SLC16A10: variants seen among roughly 807,000 people sequenced by gnomAD.
SLC16A10 encodes the protein monocarboxylate transporter 10.
SLC16A10 carries 27 observed loss-of-function variants against 40.0 expected under a neutral mutation model. The observed-to-expected ratio is 0.67, with a 90% CI of 0.50 to 0.93. The LOEUF (loss-of-function observed/expected upper bound fraction) is 0.93, where lower values mean the gene tolerates loss of function less well. SLC16A10 is among the 40% of genes least tolerant of loss of function. The pLI, the probability that SLC16A10 is intolerant of heterozygous loss-of-function variation, is 0.00. For missense variants in SLC16A10, 529 were observed against 658.2 expected (o/e 0.80, Z 2.15); for synonymous variants, 213 against 249.8 (o/e 0.85, Z 1.39).
chr6:111,116,218 A>T (rs532998119), intron 1 of SLC16A10, among the ~76,000 whole-genome samples: 34 of 148,652 alleles, frequency 2.3e-4, no homozygotes, highest in Admixed American at 1.1e-3. Flanking sequence ...TGTTTTTGTT[A>T]TTTTTTTTTT....
At chr6:111,196,892 G>A (rs1015608687) in intron 3 of SLC16A10, among the ~76,000 whole-genome samples, 4 of 152,106 alleles carry the variant, frequency 2.6e-5, no homozygotes, top group Admixed American at 6.5e-5. Flanking sequence ...CCATAGATAC[G>A]GGTATCTGAG....
intron 1 of SLC16A10, among the ~76,000 whole-genome samples, chr6:111,166,611 A>G (rs1002226523): frequency 6.6e-6 from 1 of 152,266 alleles, no homozygotes; most frequent in African/African-American, 2.4e-5. Flanking sequence ...AAAACTATTC[A>G]TCAACCTTTA....
intron 1 of SLC16A10, among the ~76,000 whole-genome samples, chr6:111,151,511 AT>A (rs1772172584): frequency 6.6e-6 from 1 of 152,190 alleles, no homozygotes; most frequent in Non-Finnish European, 1.5e-5. Flanking sequence ...GACAATTGTC[AT>A]TTGTCACTTG....
chr6:111,087,930 G>C lies in SLC16A10; in HGVS notation c.178G>C (p.Glu60Gln), dbSNP rs1473024600. The C allele has an allele frequency of 1.2e-6, 2 of 1,603,454 alleles. No homozygotes were observed. The highest frequency in any genetic ancestry group is 1.3e-5 in the African/African-American group (1 of 74,324). The change falls in exon 1 of 6, where the codon GAG becomes CAG. Residue 60 changes from glutamate to glutamine, a missense_variant. By Grantham distance (29) the Glu-to-Gln change is conservative (BLOSUM62 2). Coordinates refer to ENST00000368851, the MANE Select transcript of SLC16A10 (RefSeq NM_018593.5). ...LAGPATAEPH[E>Q]PPEPPEGGWG... is the part of the protein sequence containing the mutation. ...GGGGCCGGCGACCGCGGAGCCCCAT[G>C]AGCCCCCCGAACCCCCCGAGGGCGG...
At position 111,230,790 on chromosome 6, in the gene SLC16A10, ATTT is replaced by A. The variant is rs774933212; in HGVS notation, c.*8559_*8561del. On this transcript the variant is annotated 3_prime_UTR_variant, in exon 6 of 6. Coordinates refer to ENST00000368851, the MANE Select transcript of SLC16A10 (RefSeq NM_018593.5). Reference sequence around the variant, plus strand: ...TATTTTAATGTTTATTTGAAAATTAATTTTTTAATTATTTTGTATATTTTGAGT... The same window carrying A: ...TATTTTAATGTTTATTTGAAAATTAATTTAATTATTTTGTATATTTTGAGT... The A allele has an allele frequency of 1.3e-5, 2 of 152,144 alleles. No individual in the cohort carries two copies. Among genetic ancestry groups the A allele is most frequent in the East Asian group, 1.9e-4 (1 of 5,196 alleles). 9.4% of individuals were successfully genotyped at this position (152,144 alleles called of 1,614,324 possible).
At chr6:111,152,368 T>C (rs985838221) in intron 1 of SLC16A10, among the ~76,000 whole-genome samples, 6 of 152,244 alleles carry the variant, frequency 3.9e-5, no homozygotes, top group African/African-American at 4.8e-5. Flanking sequence ...TCTAGAATAG[T>C]GCTGGCACAT....
In SLC16A10 at chr6:111,225,249, T is replaced by G. The variant is rs2114599888; in HGVS notation, c.*3014T>G. 6.6e-6 allele frequency: 1 copy of G among 152,312 alleles called. No homozygotes were observed. Among genetic ancestry groups the G allele is most frequent in the African/African-American group, 2.4e-5 (1 of 41,570 alleles). 9.4% of individuals were successfully genotyped at this position (152,312 alleles called of 1,614,324 possible). ...AAAATTTCCACTGAAAATTGCATAG[T>G]TCTTGTATTAAGATTCAAATTCTGG... On this transcript the variant is annotated 3_prime_UTR_variant, in exon 6 of 6. Transcript: ENST00000368851.
chr6:111,090,893 A>G (rs1265468338), intron 1 of SLC16A10, among the ~76,000 whole-genome samples: 1 of 152,202 alleles, frequency 6.6e-6, no homozygotes, highest in Admixed American at 6.5e-5. Flanking sequence ...GTTAGAGTAC[A>G]GCTAGTTCTG....
intron 1 of SLC16A10, among the ~76,000 whole-genome samples, chr6:111,147,706 C>G (rs1168041668): frequency 6.6e-6 from 1 of 152,178 alleles, no homozygotes; most frequent in Non-Finnish European, 1.5e-5. Context: ...CACACTAATG[C>G]AGTGTCAGTC....
chr6:111,194,399 G>A (rs1305591029), intron 3 of SLC16A10, among the ~76,000 whole-genome samples: 1 of 152,162 alleles, frequency 6.6e-6, no homozygotes, highest in African/African-American at 2.4e-5. Context: ...ATTATCTAGA[G>A]TAGTTTCAAT....
intron 3 of SLC16A10, among the ~76,000 whole-genome samples, chr6:111,204,756 C>T (rs1436200727): frequency 6.6e-6 from 1 of 152,146 alleles, no homozygotes; most frequent in South Asian, 2.1e-4. Context: ...AACATTTCCA[C>T]ACAAAATCCG....
At chr6:111,182,826 A>T (rs1190346417) in intron 3 of SLC16A10, among the ~76,000 whole-genome samples, 1 of 152,074 alleles carries the variant, frequency 6.6e-6, no homozygotes, top group Non-Finnish European at 1.5e-5. Context: ...TTTCTTGCAC[A>T]CCATAGTCCT....
At position 111,138,761 on chromosome 6, in the gene SLC16A10, C is replaced by T. The variant is rs140376535; in HGVS notation, c.344-33934C>T. 3.6e-3 allele frequency among the ~76,000 whole-genome samples: 546 copies of T among 152,244 alleles called. 4 individuals are homozygous for T. The highest frequency in any genetic ancestry group is 5.8e-3 in the Non-Finnish European group (396 of 68,010). On this transcript the variant is annotated intron_variant, in intron 1 of 5. Coordinates refer to ENST00000368851, the MANE Select transcript of SLC16A10 (RefSeq NM_018593.5). ...TCAGCCTTCCAAGTAGCTGGGACTA[C>T]AGGCCTGCACCACTGTGCCTGGTGG...
At chr6:111,117,519 C>G (rs1323127748) in intron 1 of SLC16A10, among the ~76,000 whole-genome samples, 1 of 152,322 alleles carries the variant, frequency 6.6e-6, no homozygotes, top group African/African-American at 2.4e-5. Flanking sequence ...ACATCCTCAA[C>G]AGAGCCAAAG....
At chr6:111,095,138 C>G (rs1261388205) in intron 1 of SLC16A10, among the ~76,000 whole-genome samples, 1 of 152,246 alleles carries the variant, frequency 6.6e-6, no homozygotes, top group Non-Finnish European at 1.5e-5. Flanking sequence ...TTGCCTGGCC[C>G]TCTAGCCTTG....
chr6:111,192,603 A>G (rs1150086), intron 3 of SLC16A10, among the ~76,000 whole-genome samples: 116,969 of 152,016 alleles, frequency 0.77, 45,794 homozygotes, highest in Non-Finnish European at 0.85. Flanking sequence ...TACTGTATTA[A>G]TCTGTTCTCA....
intron 1 of SLC16A10, among the ~76,000 whole-genome samples, chr6:111,153,667 A>C (rs547831318): frequency 3.9e-5 from 6 of 152,358 alleles, no homozygotes; most frequent in African/African-American, 1.4e-4. Flanking sequence ...TTTAAATAGC[A>C]GGGAGCCCTT....
chr6:111,183,594 G>A (rs969185167), intron 3 of SLC16A10, among the ~76,000 whole-genome samples: 5 of 152,134 alleles, frequency 3.3e-5, no homozygotes, highest in Non-Finnish European at 7.4e-5. Context: ...ATGCTATAAT[G>A]ATTTTTCACA....
chr6:111,190,874 C>T (rs1772978731), intron 3 of SLC16A10, among the ~76,000 whole-genome samples: 1 of 152,196 alleles, frequency 6.6e-6, no homozygotes, highest in South Asian at 2.1e-4. Context: ...GGAAGGGCTA[C>T]GTTGAAGGTC....
Sources: gnomAD v4.1 joint callset for allele counts (sites outside exome capture counted in the v4.1 genomes callset) on GRCh38, gnomAD v4.1.1 for gene constraint, MANE v1.5 for transcripts, NCBI Gene and HGNC (gene_info 2026-07-23, HGNC 2026-07-21) for gene names.